Variants in DIP2C observed in about 807,000 individuals in gnomAD.
DIP2C encodes DIP2 acetate--CoA ligase C (putative).
DIP2C carries 33 observed loss-of-function variants against 192.4 expected under a neutral mutation model. The ratio of observed to expected loss-of-function variants is 0.17; its 90% confidence interval spans 0.13 to 0.23. The LOEUF (loss-of-function observed/expected upper bound fraction) is 0.23, where lower values mean the gene tolerates loss of function less well. DIP2C is among the 10% of genes least tolerant of loss of function. DIP2C has a pLI of 1.00. For missense variants in DIP2C, 1,537 were observed against 2,110.1 expected (o/e 0.73, Z 5.32); for synonymous variants, 979 against 864.1 (o/e 1.13, Z -2.33).
At chr10:355,960 A>AG (rs1390311864) in intron 24 of DIP2C, among the ~76,000 whole-genome samples, 1 of 152,202 alleles carries the variant, frequency 6.6e-6, no homozygotes, top group African/African-American at 2.4e-5. Context: ...GGGCACTTGT[A>AG]GTCCCAGCTA....
At chr10:310,777 T>TA (rs1239428663) in intron 31 of DIP2C, among the ~76,000 whole-genome samples, 1 of 152,170 alleles carries the variant, frequency 6.6e-6, no homozygotes, top group Non-Finnish European at 1.5e-5. Flanking sequence ...TGCTGACTTC[T>TA]GACCAGTGAC....
At chr10:509,244 A>C in intron 1 of DIP2C, among the ~76,000 whole-genome samples, 1 of 151,934 alleles carries the variant, frequency 6.6e-6, no homozygotes, top group East Asian at 1.9e-4. Context: ...CTGAAGGAAA[A>C]CCCGTCCTAA....
intron 1 of DIP2C, among the ~76,000 whole-genome samples, chr10:590,852 G>A (rs1430122530): frequency 6.6e-6 from 1 of 152,162 alleles, no homozygotes; most frequent in Non-Finnish European, 1.5e-5. Context: ...CGAGGTGAAG[G>A]GGCCGCCTCC....
At chr10:409,046 C>A (rs769866162) in intron 8 of DIP2C, 29 bp from the exon 9 acceptor site, 1 of 1,607,218 alleles carries the variant, frequency 6.2e-7, no homozygotes, top group South Asian at 1.1e-5. Flanking sequence ...GACAAATGTG[C>A]GTATTAAACC....
intron 1 of DIP2C, among the ~76,000 whole-genome samples, chr10:594,719 G>A (rs1209494008): frequency 1.3e-5 from 2 of 152,098 alleles, no homozygotes; most frequent in South Asian, 2.1e-4. Context: ...AGGTCTCGTC[G>A]GCCCCCTCAG....
intron 1 of DIP2C, among the ~76,000 whole-genome samples, chr10:565,738 T>G (rs1237597318): frequency 6.6e-6 from 1 of 152,166 alleles, no homozygotes; most frequent in African/African-American, 2.4e-5. Context: ...AGCATAAAAA[T>G]ATGTGCTTAC....
rs529360291 is a variant in DIP2C, at chr10:645,805, G to A, written c.85+43689C>T. 2.4e-4 allele frequency among the ~76,000 whole-genome samples: 37 copies of A among 152,220 alleles called. 1 individual carries two copies. Among genetic ancestry groups the A allele is most frequent in the Admixed American group, 2.2e-3 (33 of 15,302 alleles). On this transcript the variant is annotated intron_variant, in intron 1 of 36. Coordinates refer to ENST00000280886, the MANE Select transcript of DIP2C (RefSeq NM_014974.3). ...TTTTGCCTATTTCCCTAGGTTTGAC[G>A]TGTCACTTCTGTAATGTAATAATAG...
chr10:509,271 C>T (rs190242653), intron 1 of DIP2C, among the ~76,000 whole-genome samples: 6 of 152,286 alleles, frequency 3.9e-5, no homozygotes, highest in East Asian at 3.9e-4. Context: ...CAGGTATTCC[C>T]GCACGCACCG....
At chr10:617,064 G>A (rs1190594591) in intron 1 of DIP2C, among the ~76,000 whole-genome samples, 3 of 152,192 alleles carry the variant, frequency 2.0e-5, no homozygotes, top group Admixed American at 6.5e-5. Context: ...AGGCAAGCCA[G>A]GAGCACACAA....
At chr10:338,222 G>A (rs1269752093) in intron 29 of DIP2C, among the ~76,000 whole-genome samples, 1 of 152,230 alleles carries the variant, frequency 6.6e-6, no homozygotes, top group African/African-American at 2.4e-5. Flanking sequence ...GTTACAGTAA[G>A]CGAAGGTTAA....
Position 369,631 on chromosome 10 carries a change from G to A in DIP2C, c.1994C>T (p.Pro665Leu). 1 of 1,614,022 alleles carries A rather than the reference G, an allele frequency of 6.2e-7. No homozygotes were observed. The highest frequency in any genetic ancestry group is 8.5e-7 in the Non-Finnish European group (1 of 1,179,992). ...PEALTVAIRR[P>L]TDDSNQPPGR... ...CGGGGGCTGGTTACTGTCATCCGTG[G>A]GCCTGTAATGACAGTTTTTAACTTG... The change falls in exon 18 of 37, where the codon CCC becomes CTC. Residue 665 changes from proline (P) to leucine (L), a missense_variant and splice_region_variant. Physicochemically the swap from Pro to Leu is moderately conservative, Grantham distance 98. Transcript: ENST00000280886.
In DIP2C at chr10:408,944, C is replaced by A; in HGVS notation, c.1131G>T (p.Met377Ile). The A allele has an allele frequency of 6.2e-7, 1 of 1,614,216 alleles. No individual in the cohort carries two copies. Among genetic ancestry groups the A allele is most frequent in the Middle Eastern group, 1.6e-4 (1 of 6,062 alleles). ...LHKLGTKQEP[M>I]VRPGDRVALV... ...CACTTACCCTATCTCCAGGCCGGACCATGGGTTCCTGCTTTGTGCCTAATT... is the reference window on the plus strand; with the variant it reads ...CACTTACCCTATCTCCAGGCCGGACAATGGGTTCCTGCTTTGTGCCTAATT... Residue 377 changes from methionine to isoleucine, a missense_variant, in exon 9 of 37, where the codon ATG (methionine) becomes ATT (isoleucine). Physicochemically the swap from Met to Ile is conservative, Grantham distance 10 (BLOSUM62 1). Transcript: ENST00000280886.
chr10:336,119 A>G (rs1343551633), intron 29 of DIP2C, among the ~76,000 whole-genome samples: 1 of 152,172 alleles, frequency 6.6e-6, no homozygotes, highest in Non-Finnish European at 1.5e-5. Flanking sequence ...CTATAATTCC[A>G]ACACTTTGGG....
At chr10:579,886 T>C (rs1038309557) in intron 1 of DIP2C, among the ~76,000 whole-genome samples, 1 of 151,626 alleles carries the variant, frequency 6.6e-6, no homozygotes, top group Non-Finnish European at 1.5e-5. Context: ...CACATGTACA[T>C]GCATCTAGCA....
chr10:285,220 G>A (rs896494029), intron 34 of DIP2C, among the ~76,000 whole-genome samples: 8 of 152,122 alleles, frequency 5.3e-5, no homozygotes, highest in African/African-American at 1.9e-4. Context: ...ACTGGGGAGG[G>A]CTTGCTCATT....
intron 17 of DIP2C, among the ~76,000 whole-genome samples, chr10:376,210 G>C (rs1385764396): frequency 1.3e-5 from 2 of 152,096 alleles, no homozygotes; most frequent in African/African-American, 4.8e-5. Flanking sequence ...TGACAAAGCA[G>C]GCGCGAGAGC....
chr10:330,734 G>A (rs1437633246), intron 29 of DIP2C, among the ~76,000 whole-genome samples: 1 of 149,752 alleles, frequency 6.7e-6, no homozygotes, highest in South Asian at 2.1e-4. Context: ...TCTTGTTCCT[G>A]CTGTGGCCAT....
chr10:307,211 G>A (rs1486360364), intron 32 of DIP2C, among the ~76,000 whole-genome samples: 1 of 152,174 alleles, frequency 6.6e-6, no homozygotes, highest in Non-Finnish European at 1.5e-5. Context: ...TAAATCACCA[G>A]CCTCAGGTGT....
intron 1 of DIP2C, among the ~76,000 whole-genome samples, chr10:557,223 C>T (rs771545543): frequency 1.3e-5 from 2 of 152,218 alleles, no homozygotes; most frequent in Non-Finnish European, 2.9e-5. Flanking sequence ...AGGCCTCCGC[C>T]AGCAGACACG....
Sources: allele counts gnomAD v4.1 joint callset (sites outside exome capture counted in the v4.1 genomes callset), GRCh38; gene constraint gnomAD v4.1.1; transcripts MANE v1.5; gene names NCBI Gene and HGNC (gene_info 2026-07-23, HGNC 2026-07-21).